Variants in APOOL observed in about 807,000 individuals in gnomAD.
APOOL encodes MICOS complex subunit MIC27.
APOOL carries 12 observed loss-of-function variants against 23.1 expected under a neutral mutation model. The observed-to-expected ratio is 0.52, with a 90% CI of 0.33 to 0.84. The LOEUF is 0.84. Among genes scored for constraint, APOOL ranks in the 40% least tolerant of loss-of-function variants. The pLI is 0.02. For missense variants in APOOL, 212 were observed against 199.6 expected (o/e 1.06, Z -0.37); for synonymous variants, 77 against 69.9 (o/e 1.10, Z -0.51).
chrX:85,069,554 G>A (rs1923586748), intron 6 of APOOL, among the ~76,000 whole-genome samples: 2 of 99,335 alleles, frequency 2.0e-5, no homozygotes, highest in Admixed American at 1.1e-4. Flanking sequence ...AGATTGCAGT[G>A]AGCCGAGATT....
At position 85,054,328 on chromosome X, in the gene APOOL, C is replaced by CT. The variant is rs1556369431; in HGVS notation, c.241-7dup. ...TCAAAAATGCAGATGTCTTCCCCCC[C>CT]TTTTTTTTTGCTTAGGGTGTTTATG... On this transcript the variant is annotated splice_polypyrimidine_tract_variant and intron_variant, in intron 3 of 8. Coordinates refer to ENST00000373173, the MANE Select transcript of APOOL (RefSeq NM_198450.6). 2.4e-4 allele frequency: 268 copies of CT among 1,128,762 alleles called. No homozygotes were observed. The highest frequency in any genetic ancestry group is 1.7e-3 in the Admixed American group (65 of 38,015). The allele number at this position is 1,128,762 out of a possible 1,213,427, so 93.0% of individuals were successfully genotyped here.
intron 1 of APOOL, among the ~76,000 whole-genome samples, chrX:85,008,102 A>AT (rs984115203): frequency 4.7e-4 from 52 of 110,020 alleles, no homozygotes; most frequent in African/African-American, 1.6e-3. Context: ...GGGTTTATGT[A>AT]TTTTTTTTTC....
intron 1 of APOOL, among the ~76,000 whole-genome samples, chrX:85,033,516 T>C (rs781478041): frequency 1.8e-5 from 2 of 112,254 alleles, no homozygotes; most frequent in African/African-American, 3.2e-5. Flanking sequence ...CCAATCCTTA[T>C]GTCTGCCTGC....
chrX:85,058,723 T>G (rs975590714), intron 5 of APOOL, among the ~76,000 whole-genome samples: 1 of 111,349 alleles, frequency 9.0e-6, no homozygotes, highest in Non-Finnish European at 1.9e-5. Flanking sequence ...TCTCCACAAC[T>G]TCACCAACAT....
chrX:85,058,183 A>C (rs1024658209), intron 5 of APOOL, among the ~76,000 whole-genome samples: 47 of 111,315 alleles, frequency 4.2e-4, no homozygotes, highest in African/African-American at 1.4e-3. Context: ...CCTAGGTATA[A>C]GCCCAACATG....
intron 4 of APOOL, among the ~76,000 whole-genome samples, chrX:85,055,500 A>G: frequency 8.9e-6 from 1 of 111,881 alleles, no homozygotes; most frequent in Non-Finnish European, 1.9e-5. Flanking sequence ...ATAGAGATAT[A>G]ATACATACGC....
At position 85,092,368 on chromosome X, in the gene APOOL, G is replaced by A. The variant is rs1313659464; in HGVS notation, c.*4690G>A. 3.5e-5 allele frequency: 40 copies of A among 1,153,622 alleles called. No homozygotes were observed. Among genetic ancestry groups the A allele is most frequent in the Non-Finnish European group, 4.4e-5 (38 of 867,281 alleles). On this transcript the variant is annotated 3_prime_UTR_variant, in exon 9 of 9. Transcript: ENST00000373173. Reference sequence around the variant, plus strand: ...AGTCAAATGTTGGAGGCTGTGTTGGGATGAGTTGTTACAAAGCCTCTTTCA... The same window carrying A: ...AGTCAAATGTTGGAGGCTGTGTTGGAATGAGTTGTTACAAAGCCTCTTTCA...
At position 85,016,692 on chromosome X, in the gene APOOL, G is replaced by A. The variant is rs113443752; in HGVS notation, c.15+12765G>A. 6.6e-3 allele frequency among the ~76,000 whole-genome samples: 732 copies of A among 111,564 alleles called. 6 individuals are homozygous for A. Among genetic ancestry groups the A allele is most frequent in the African/African-American group, 0.023 (702 of 30,635 alleles). The stretch of plus-strand genomic sequence containing the variant: ...GGTACAAGGTCCCCTTCTCCAAGAC[G>A]TTTTATGATCACAGAGGCTGCCTGC... On this transcript the variant is annotated intron_variant, in intron 1 of 8. Transcript: ENST00000373173.
intron 1 of APOOL, among the ~76,000 whole-genome samples, chrX:85,014,385 A>T (rs1602739279): frequency 9.1e-6 from 1 of 110,490 alleles, no homozygotes; most frequent in South Asian, 3.8e-4. Context: ...CCTTTTTTTT[A>T]AATTGCATTA....
At chrX:85,047,314 G>A (rs1392459112) in intron 2 of APOOL, among the ~76,000 whole-genome samples, 1 of 111,527 alleles carries the variant, frequency 9.0e-6, no homozygotes, top group Non-Finnish European at 1.9e-5. Flanking sequence ...GCATGTTCAG[G>A]ATAGTGTTTT....
intron 1 of APOOL, among the ~76,000 whole-genome samples, chrX:85,004,202 G>A (rs1392075932): frequency 9.0e-6 from 1 of 111,570 alleles, no homozygotes; most frequent in Non-Finnish European, 1.9e-5. Context: ...GGGTGAAAAT[G>A]GCTGGCCAGG....
intron 1 of APOOL, among the ~76,000 whole-genome samples, chrX:85,013,617 A>T (rs1921363881): frequency 9.0e-6 from 1 of 111,683 alleles, no homozygotes; most frequent in African/African-American, 3.3e-5. Context: ...ATTTACATGT[A>T]TTTGTATAGT....
At chrX:85,042,515 A>G (rs975497160) in intron 1 of APOOL, among the ~76,000 whole-genome samples, 3 of 112,221 alleles carry the variant, frequency 2.7e-5, no homozygotes, top group African/African-American at 9.7e-5. Flanking sequence ...GATTTTACCA[A>G]ATATTTAAAG....
intron 1 of APOOL, among the ~76,000 whole-genome samples, chrX:85,013,303 A>G (rs1328051787): frequency 9.0e-6 from 1 of 110,685 alleles, no homozygotes; most frequent in Non-Finnish European, 1.9e-5. Flanking sequence ...TATCTCTTGT[A>G]TTTTTTTGTT....
intron 8 of APOOL, among the ~76,000 whole-genome samples, chrX:85,083,560 C>T (rs952179899): frequency 1.8e-5 from 2 of 111,197 alleles, no homozygotes; most frequent in Non-Finnish European, 3.8e-5. Flanking sequence ...CAAACTGAAG[C>T]ACACAGAGAA....
At chrX:85,074,135 G>T in intron 7 of APOOL, 24 bp downstream of exon 7, 1 of 1,148,908 alleles carries the variant, frequency 8.7e-7, no homozygotes, top group Non-Finnish European at 1.2e-6. Flanking sequence ...GGAGCAAGAC[G>T]GTCAACATTG....
rs776063526 is a variant in APOOL, at chrX:85,081,879, C to G, written c.719-5711C>G. Among the ~76,000 whole-genome samples, 87 of 111,880 alleles carry G rather than the reference C, an allele frequency of 7.8e-4. 1 individual carries two copies. Among genetic ancestry groups the G allele is most frequent in the African/African-American group, 2.7e-3 (83 of 30,815 alleles). ...CACTGATACCCTTTCTTCACTTGATCAAATCAACTGTTGAAGCTTGTGCAT... is the reference window on the plus strand; with the variant it reads ...CACTGATACCCTTTCTTCACTTGATGAAATCAACTGTTGAAGCTTGTGCAT... On this transcript the variant is annotated intron_variant, in intron 8 of 8. Transcript: ENST00000373173.
intron 8 of APOOL, among the ~76,000 whole-genome samples, chrX:85,077,614 T>G (rs1923908943): frequency 9.0e-6 from 1 of 111,681 alleles, no homozygotes; most frequent in African/African-American, 3.3e-5. Context: ...ATCCTTTGGG[T>G]ATATACCCAG....
intron 6 of APOOL, among the ~76,000 whole-genome samples, chrX:85,072,562 C>A (rs1364241919): frequency 1.8e-5 from 2 of 110,992 alleles, no homozygotes; most frequent in Non-Finnish European, 3.8e-5. Context: ...ATTGCTTATA[C>A]TTGCCATCTC....
Sources: allele counts gnomAD v4.1 joint callset (sites outside exome capture counted in the v4.1 genomes callset), GRCh38; gene constraint gnomAD v4.1.1; transcripts MANE v1.5; gene names NCBI Gene and HGNC (gene_info 2026-07-23, HGNC 2026-07-21).